The following TLCD3B variants were observed in gnomAD, a reference collection of about 807,000 sequenced individuals.
TLCD3B encodes TLC domain containing 3B.
In TLCD3B, 9 loss-of-function variants were observed where a neutral mutation model predicts 23.0. The observed-to-expected ratio is 0.39, with a 90% confidence interval of 0.24 to 0.68. The LOEUF is 0.68. Among genes scored for constraint, TLCD3B ranks in the 30% least tolerant of loss-of-function variants. The pLI is 0.44. For missense variants in TLCD3B, 307 were observed against 371.8 expected, an observed-to-expected ratio of 0.83 and a Z score of 1.43; for synonymous variants, 161 against 161.0, an observed-to-expected ratio of 1.00 and a Z score of 0.00.
chr16:30,039,272 C>A (rs1475576769), intron 3 of TLCD3B, among the ~76,000 whole-genome samples: 4 of 151,898 alleles, frequency 2.6e-5, no homozygotes, highest in African/African-American at 4.8e-5. Flanking sequence ...TACAGCCATG[C>A]GCCACCACGC....
chr16:30,026,492 G>A (rs562282510), intron 3 of TLCD3B, 117 bp downstream of exon 3: 4 of 856,164 alleles, frequency 4.7e-6, no homozygotes, highest in Admixed American at 4.7e-5. Context: ...CTGGGAATAC[G>A]CTGGGTCTGC....
intron 2 of TLCD3B, among the ~76,000 whole-genome samples, chr16:30,041,619 G>A (rs1410412195): frequency 6.6e-6 from 1 of 151,532 alleles, no homozygotes; most frequent in Non-Finnish European, 1.5e-5. Flanking sequence ...CTACTTGGGA[G>A]GCTGAGGCAG....
upstream of TLCD3B, among the ~76,000 whole-genome samples, chr16:30,031,703 G>A (rs776250103): frequency 6.6e-6 from 1 of 152,210 alleles, no homozygotes; most frequent in East Asian, 1.9e-4. Context: ...ACCCGATGGC[G>A]GGGAAGGAAG....
chr16:30,030,787 T>G lies in TLCD3B; in HGVS notation c.-260A>C, dbSNP rs1393140485. The G allele has an allele frequency of 4.4e-5, 45 of 1,029,130 alleles. No individual in the cohort carries two copies. The highest frequency in any genetic ancestry group is 2.7e-4 in the Admixed American group (3 of 10,964). 63.7% of individuals were successfully genotyped at this position (1,029,130 alleles called of 1,614,324 possible). A position where few individuals can be genotyped will look rare whatever the true frequency, so the allele number is the denominator to read the frequency against. ...GGAGCAGGAGCAGGCCAGCGAGGGA[T>G]GGGGAGAGGCAAAGAGGGGATGGCT... On this transcript the variant is annotated 5_prime_UTR_variant, in exon 1 of 5. Coordinates refer to ENST00000380495, the MANE Select transcript of TLCD3B (RefSeq NM_031478.6).
chr16:30,024,490 C>A lies in TLCD3B; in HGVS notation c.*693G>T. ...AAGCACCTCCCAGGGTCCCCCGACCCCAGATTGGAGGAAGCCTTGAGAGGT... is the reference window on the plus strand; with the variant it reads ...AAGCACCTCCCAGGGTCCCCCGACCACAGATTGGAGGAAGCCTTGAGAGGT... On this transcript the variant is annotated 3_prime_UTR_variant, in exon 5 of 5. Transcript: ENST00000380495. The A allele has an allele frequency of 1.8e-6, 1 of 548,378 alleles. No homozygotes were observed. The highest frequency in any genetic ancestry group is 3.2e-6 in the Non-Finnish European group (1 of 310,316). The allele number at this position is 548,378 out of a possible 1,614,324, so 34.0% of individuals were successfully genotyped here.
upstream of TLCD3B, chr16:30,036,021 C>T: frequency 1.1e-6 from 1 of 887,286 alleles, no homozygotes; most frequent in Non-Finnish European, 1.5e-6. Flanking sequence ...CTTCGGCCTC[C>T]CAAAGTGCTG....
chr16:30,044,244 G>GC (rs776846326), intron 2 of TLCD3B, among the ~76,000 whole-genome samples: 10 of 151,822 alleles, frequency 6.6e-5, no homozygotes, highest in Non-Finnish European at 1.3e-4. Flanking sequence ...TGATCTGCCT[G>GC]CCTCACACCT....
rs368021472 is a variant in TLCD3B at position 30,030,906 on chromosome 16, C to T, written c.-379G>A. 3.5e-4 allele frequency: 42 copies of T among 119,038 alleles called. 1 individual carries two copies. The East Asian group carries it at 0.016, about 45-fold the overall frequency. 7.4% of individuals were successfully genotyped at this position (119,038 alleles called of 1,614,324 possible). A position where few individuals can be genotyped will look rare whatever the true frequency, so the allele number is the denominator to read the frequency against. On this transcript the variant is annotated 5_prime_UTR_variant, in exon 1 of 5. Coordinates refer to ENST00000380495, the MANE Select transcript of TLCD3B (RefSeq NM_031478.6). ...CAGGCAGGTGGGGAGGGGAGGCTTA[C>T]GTGAGAGGCTGGGAGGGCCCGAGGA...
upstream of TLCD3B, among the ~76,000 whole-genome samples, chr16:30,035,691 T>C (rs1376985434): frequency 1.3e-5 from 2 of 152,138 alleles, no homozygotes; most frequent in Non-Finnish European, 2.9e-5. Flanking sequence ...CAATTCGACA[T>C]CCTAATTATC....
chr16:30,045,092 C>CAAAAA (rs1162281544), intron 2 of TLCD3B, among the ~76,000 whole-genome samples: 13 of 22,216 alleles, frequency 5.9e-4, no homozygotes, highest in Non-Finnish European at 3.7e-4. Flanking sequence ...GACTCCATCT[C>CAAAAA]AAAAAAAAAA....
In TLCD3B at chr16:30,029,462, G is replaced by A; in HGVS notation, c.179C>T (p.Ser60Phe). Reference sequence around the variant, plus strand: ...ATCAATGATGTGCTTGCAGGAGGTGGAGACGATGTAGCCGGCAGTGGAGGC... The same window carrying A: ...ATCAATGATGTGCTTGCAGGAGGTGAAGACGATGTAGCCGGCAGTGGAGGC... Reference protein sequence around the residue: ...IMASTAGYIVSTSCKHIIDDQ... With the variant: ...IMASTAGYIVFTSCKHIIDDQ... The change falls in exon 2 of 5, where the codon TCC becomes TTC. Residue 60 changes from serine to phenylalanine, a missense_variant. Transcript: ENST00000380495. The surrounding 1 kb of genome is among the most constrained non-coding windows in gnomAD (Gnocchi z 4.6). 6.2e-7 allele frequency: 1 copy of A among 1,614,080 alleles called. No homozygotes were observed. The highest frequency in any genetic ancestry group is 8.5e-7 in the Non-Finnish European group (1 of 1,179,978).
At chr16:30,042,089 A>T (rs2071587182) in intron 2 of TLCD3B, among the ~76,000 whole-genome samples, 1 of 152,124 alleles carries the variant, frequency 6.6e-6, no homozygotes, top group African/African-American at 2.4e-5. Context: ...ACACAGATAT[A>T]TTTATGTCTA....
chr16:30,026,917 G>A (rs2071168951), intron 2 of TLCD3B, 74 bp from the exon 3 acceptor site: 4 of 1,280,628 alleles, frequency 3.1e-6, no homozygotes, highest in Non-Finnish European at 4.5e-6. Context: ...GATCTCAGGG[G>A]TCAGCACAGC....
intron 3 of TLCD3B, among the ~76,000 whole-genome samples, chr16:30,037,573 A>C (rs1441424155): frequency 1.3e-5 from 2 of 151,474 alleles, no homozygotes; most frequent in Non-Finnish European, 2.9e-5. Flanking sequence ...GAAGAAGAAG[A>C]ATAAAATAGT....
chr16:30,027,303 G>A lies in TLCD3B; in HGVS notation c.210-460C>T, dbSNP rs77037059. On this transcript the variant is annotated intron_variant, in intron 2 of 4. Coordinates refer to ENST00000380495, the MANE Select transcript of TLCD3B (RefSeq NM_031478.6). ...CCCATTCCTGCCTCCTGGGACAGGCGATCTTCCAAACTTCCCATGCATAGC... is the reference window on the plus strand; with the variant it reads ...CCCATTCCTGCCTCCTGGGACAGGCAATCTTCCAAACTTCCCATGCATAGC... The A allele has an allele frequency of 5.3e-3, 2,097 of 398,114 alleles. 34 individuals are homozygous for A. The highest frequency in any genetic ancestry group is 0.04 in the African/African-American group (1,919 of 48,288). 24.7% of individuals were successfully genotyped at this position (398,114 alleles called of 1,614,324 possible). A position where few individuals can be genotyped will look rare whatever the true frequency, so the allele number is the denominator to read the frequency against.
intron 1 of TLCD3B, among the ~76,000 whole-genome samples, chr16:30,052,379 A>C (rs555603706): frequency 2.0e-5 from 3 of 151,854 alleles, no homozygotes; most frequent in African/African-American, 4.8e-5. Flanking sequence ...AAAAATAAAT[A>C]AATCAATTAA....
chr16:30,027,823 G>A (rs1214188980), intron 2 of TLCD3B: 10 of 364,180 alleles, frequency 2.7e-5, no homozygotes, highest in South Asian at 1.4e-4. Context: ...TGGGGTGCTC[G>A]CCCCACAAGG....
At position 30,030,547 on chromosome 16, in the gene TLCD3B, A is replaced by G; in HGVS notation, c.-20T>C. On this transcript the variant is annotated 5_prime_UTR_variant, in exon 1 of 5. Coordinates refer to ENST00000380495, the MANE Select transcript of TLCD3B (RefSeq NM_031478.6). ...CAGCATGGTGGCTCAGGACTTGGGC[A>G]GGGAGGCAGGCGGGCCGTGAAGGGG... 2 of 1,557,870 alleles carry G rather than the reference A, an allele frequency of 1.3e-6. No homozygotes were observed. Among genetic ancestry groups the G allele is most frequent in the Middle Eastern group, 1.8e-4 (1 of 5,706 alleles).
rs1288719253 is a variant in TLCD3B at position 30,025,917 on chromosome 16, T to C, written c.445-96A>G. ...CTTTCCCCTCTGTCACTTTGGGAGA[T>C]GCTTGACTCTGAACATCAGAACACC... On this transcript the variant is annotated intron_variant, in intron 3 of 4. Coordinates refer to ENST00000380495, the MANE Select transcript of TLCD3B (RefSeq NM_031478.6). This position sits in a 1 kb window ranked among gnomAD's most constrained non-coding sequence, Gnocchi z 4.1. 2.2e-6 allele frequency: 2 copies of C among 928,966 alleles called. No individual in the cohort carries two copies. Among genetic ancestry groups the C allele is most frequent in the African/African-American group, 1.6e-5 (1 of 61,716 alleles). The allele number at this position is 928,966 out of a possible 1,614,324, so 57.5% of individuals were successfully genotyped here.
Sources: allele counts gnomAD v4.1 joint callset (sites outside exome capture counted in the v4.1 genomes callset), GRCh38; gene constraint gnomAD v4.1.1; non-coding constraint Gnocchi (gnomAD v3.1); transcripts MANE v1.5; gene names NCBI Gene and HGNC (gene_info 2026-07-23, HGNC 2026-07-21).